Variants in TRPA1 observed in about 807,000 individuals in gnomAD.
TRPA1 encodes transient receptor potential cation channel subfamily A member 1, also known as ankyrin-like with transmembrane domains 1.
A neutral mutation model predicts 131.3 loss-of-function variants in TRPA1; 129 were observed. The observed-to-expected ratio is 0.98, with a 90% CI of 0.85 to 1.14. TRPA1 has a LOEUF of 1.14. Ranked by LOEUF, TRPA1 falls within the 50% of genes most tolerant of loss-of-function variation. The pLI, the probability that TRPA1 is intolerant of heterozygous loss-of-function variation, is 0.00. For missense variants in TRPA1, 1,304 were observed against 1,354.2 expected (o/e 0.96, Z 0.58); for synonymous variants, 441 against 451.7 (o/e 0.98, Z 0.30).
chr8:72,046,524 T>G lies in TRPA1; in HGVS notation c.2050A>C (p.Thr684Pro). The G allele has an allele frequency of 6.3e-7, 1 of 1,582,650 alleles. No homozygotes were observed. Among genetic ancestry groups the G allele is most frequent in the Non-Finnish European group, 8.6e-7 (1 of 1,156,316 alleles). ...AACATTGAACTTACGTTGAGGGCTG[T>G]AAGCGGTTCATATATAACATCCTGT... Reference protein sequence around the residue: ...PTQDVIYEPLTALNAMVQNNR... With the variant: ...PTQDVIYEPLPALNAMVQNNR... The change falls in exon 17 of 27, where the codon ACA (threonine) becomes CCA (proline). Residue 684 changes from threonine (T) to proline (P), a missense_variant. Thr to Pro is a conservative substitution (Grantham distance 38, BLOSUM62 -1). Transcript: ENST00000262209.
intron 16 of TRPA1, among the ~76,000 whole-genome samples, chr8:72,046,882 G>A (rs1805340368): frequency 1.3e-5 from 2 of 151,930 alleles, no homozygotes; most frequent in Admixed American, 6.6e-5. Flanking sequence ...AGATCTTTTA[G>A]ATCTTCATTA....
the TRPA1 span, among the ~76,000 whole-genome samples, chr8:72,089,082 G>T: frequency 1.8e-4 from 27 of 152,070 alleles, no homozygotes; most frequent in African/African-American, 6.0e-4. Context: ...TATCTTATTT[G>T]TATTAAATTC....
chr8:72,067,169 C>T (rs1337044183), intron 3 of TRPA1, among the ~76,000 whole-genome samples: 1 of 152,142 alleles, frequency 6.6e-6, no homozygotes, highest in Non-Finnish European at 1.5e-5. Context: ...GTCAGTGGAG[C>T]AGTCAATGGA....
chr8:72,078,175 T>G (rs2129437315), upstream of TRPA1, among the ~76,000 whole-genome samples: 1 of 152,112 alleles, frequency 6.6e-6, no homozygotes, highest in Non-Finnish European at 1.5e-5. Flanking sequence ...AATATTTATT[T>G]TTAAAGTCAC....
At chr8:72,077,052 AG>A (rs563476771), upstream of TRPA1, among the ~76,000 whole-genome samples, 9 of 152,332 alleles carry the variant, frequency 5.9e-5, no homozygotes, top group South Asian at 1.9e-3. Flanking sequence ...TCCATATACC[AG>A]TTTAATGTTT....
chr8:72,024,630 T>C (rs893869070), intron 25 of TRPA1, among the ~76,000 whole-genome samples: 1 of 152,110 alleles, frequency 6.6e-6, no homozygotes, highest in Non-Finnish European at 1.5e-5. Context: ...GTAGGGGATA[T>C]GTCAGGAGAG....
chr8:72,025,813 T>C (rs1811583324), intron 25 of TRPA1, 147 bp downstream of exon 25: 1 of 714,558 alleles, frequency 1.4e-6, no homozygotes, highest in Non-Finnish European at 2.5e-6. Context: ...CTTGGTTTAA[T>C]CATATCCTTT....
At chr8:72,074,586 G>C (rs933279962) in intron 1 of TRPA1, among the ~76,000 whole-genome samples, 1 of 152,148 alleles carries the variant, frequency 6.6e-6, no homozygotes, top group Non-Finnish European at 1.5e-5. Flanking sequence ...GAAATCCAGT[G>C]GTGGGCTCTG....
At chr8:72,056,088 T>G in intron 10 of TRPA1, 2 of 564,302 alleles carry the variant, frequency 3.5e-6, no homozygotes, top group South Asian at 2.2e-5. Context: ...TATTAAAGGA[T>G]CTGAGAGATC....
chr8:72,075,593 C>G (rs1482345151), upstream of TRPA1: 3 of 611,760 alleles, frequency 4.9e-6, no homozygotes, highest in African/African-American at 3.7e-5. Context: ...GGAAGGAGTT[C>G]TCAGGCCCGC....
intron 3 of TRPA1, 126 bp downstream of exon 3, chr8:72,068,897 T>C: frequency 2.1e-6 from 2 of 955,630 alleles, no homozygotes; most frequent in South Asian, 1.3e-5. Flanking sequence ...GCAAATGTAA[T>C]AATTGCATTT....
intron 21 of TRPA1, among the ~76,000 whole-genome samples, chr8:72,036,005 CAAAAA>C (rs58197251): frequency 6.7e-5 from 3 of 44,968 alleles, no homozygotes; most frequent in African/African-American, 9.3e-5. Flanking sequence ...TCCCCCTCCA[CAAAAA>C]AAAAAAAAAA....
At chr8:72,063,638 T>A in intron 4 of TRPA1, 67 bp from the exon 5 acceptor site, 2 of 981,818 alleles carry the variant, frequency 2.0e-6, no homozygotes, top group Non-Finnish European at 3.3e-6. Context: ...GGATGAGAAT[T>A]TATGTGCCTC....
chr8:72,062,980 A>G, intron 5 of TRPA1, 36 bp from the exon 6 acceptor site: 1 of 1,571,688 alleles, frequency 6.4e-7, no homozygotes, highest in Non-Finnish European at 8.7e-7. Flanking sequence ...TAACAAATAT[A>G]TAAAATAAAT....
chr8:72,049,485 T>C (rs961495076), intron 15 of TRPA1, among the ~76,000 whole-genome samples: 2 of 152,144 alleles, frequency 1.3e-5, no homozygotes, highest in African/African-American at 4.8e-5. Flanking sequence ...CCAGCATTTG[T>C]ATATATTTTT....
chr8:72,075,186 A>C, intron 1 of TRPA1, 113 bp downstream of exon 1: 1 of 834,234 alleles, frequency 1.2e-6, no homozygotes, highest in Non-Finnish European at 2.1e-6. Context: ...CACACACCCC[A>C]AAGCTTGCAA....
chr8:72,026,918 C>T (rs969342003), intron 24 of TRPA1, among the ~76,000 whole-genome samples: 1 of 151,872 alleles, frequency 6.6e-6, no homozygotes, highest in Admixed American at 6.6e-5. Flanking sequence ...AATTGTGGCC[C>T]CCTCACTGTC....
At chr8:72,063,182 C>T (rs1805847766) in intron 5 of TRPA1, among the ~76,000 whole-genome samples, 1 of 152,010 alleles carries the variant, frequency 6.6e-6, no homozygotes, top group Admixed American at 6.6e-5. Context: ...GAGATCGAGA[C>T]CAGCCTGGCC....
intron 24 of TRPA1, among the ~76,000 whole-genome samples, chr8:72,026,970 A>G (rs1811632495): frequency 1.3e-5 from 2 of 151,950 alleles, no homozygotes; most frequent in South Asian, 4.2e-4. Context: ...TGCTATTTTT[A>G]TAGCACTTAT....
Sources: gnomAD v4.1 joint callset for allele counts (sites outside exome capture counted in the v4.1 genomes callset) on GRCh38, gnomAD v4.1.1 for gene constraint, MANE v1.5 for transcripts, NCBI Gene and HGNC (gene_info 2026-07-23, HGNC 2026-07-21) for gene names.